The following ENAH variants were observed in gnomAD, a reference collection of about 807,000 sequenced individuals.
ENAH encodes the protein protein enabled homolog.
In ENAH, 23 loss-of-function variants were observed where a neutral mutation model predicts 78.7. The observed-to-expected ratio is 0.29, with a 90% CI of 0.21 to 0.41. ENAH has a LOEUF of 0.41. Ranked by LOEUF, ENAH falls within the 10% of genes least tolerant of loss-of-function variation. The probability of loss-of-function intolerance (pLI) is 1.00; values close to 1 mark genes in which losing one functional copy is unlikely to be tolerated. For missense variants in ENAH, 544 were observed against 691.0 expected (o/e 0.79, Z 2.39); for synonymous variants, 226 against 241.0 (o/e 0.94, Z 0.58).
intron 1 of ENAH, among the ~76,000 whole-genome samples, chr1:225,612,517 G>A (rs1352358426): frequency 6.6e-6 from 1 of 152,162 alleles, no homozygotes; most frequent in Admixed American, 6.5e-5. Flanking sequence ...GGCAATGGTT[G>A]CACAACACTG....
intron 1 of ENAH, among the ~76,000 whole-genome samples, chr1:225,646,229 T>C (rs1407709748): frequency 6.6e-6 from 1 of 152,080 alleles, no homozygotes; most frequent in East Asian, 1.9e-4. Context: ...AAAATTTATA[T>C]GTTAATACCC....
chr1:225,514,890 C>T lies in ENAH; in HGVS notation c.924G>A (p.Leu308=). 1 of 1,610,690 alleles carries T rather than the reference C, an allele frequency of 6.2e-7. No homozygotes were observed. The highest frequency in any genetic ancestry group is 1.1e-5 in the South Asian group (1 of 90,648). The change falls in exon 7 of 14, where the codon TTG becomes TTA. Residue 308 remains leucine (L), a synonymous_variant. Coordinates refer to ENST00000366843, the MANE Select transcript of ENAH (RefSeq NM_018212.6). ...GAGGAGGTGGAGGTGCAAGTGGTCC[C>T]AAGACAATGCCTGAGAGAGAGAAAT... The part of the protein sequence containing the change: ...AETPSQQGIV[L]GPLAPPPPPP...
At chr1:225,509,331 A>AG (rs1039231441) in intron 10 of ENAH, among the ~76,000 whole-genome samples, 2 of 152,292 alleles carry the variant, frequency 1.3e-5, no homozygotes, top group Admixed American at 6.5e-5. Flanking sequence ...TGGAAGGATG[A>AG]GGGAGTAATT....
At chr1:225,615,190 G>A (rs1401668105) in intron 1 of ENAH, among the ~76,000 whole-genome samples, 6 of 152,168 alleles carry the variant, frequency 3.9e-5, no homozygotes, top group Non-Finnish European at 8.8e-5. Context: ...TTGCAGGCGC[G>A]CGCCGCCACG....
At chr1:225,632,058 G>C (rs76003904) in intron 1 of ENAH, among the ~76,000 whole-genome samples, 1 of 152,094 alleles carries the variant, frequency 6.6e-6, no homozygotes, top group Non-Finnish European at 1.5e-5. Flanking sequence ...ACTTCACCTA[G>C]AGAACAAAAA....
chr1:225,604,570 G>C (rs1211043672), intron 1 of ENAH, among the ~76,000 whole-genome samples: 1 of 151,036 alleles, frequency 6.6e-6, no homozygotes, highest in Non-Finnish European at 1.5e-5. Context: ...GATCACTTGA[G>C]GTCAGGAGTT....
rs1575329752 is a variant in ENAH at position 225,507,975 on chromosome 1, C to T, written c.1514G>A (p.Gly505Asp). The change falls in exon 11 of 14, where the codon GGC becomes GAC. Residue 505 changes from glycine (G) to aspartate (D), a missense_variant. Gly to Asp is a moderately conservative substitution (Grantham distance 94). Transcript: ENST00000366843. ...KPWERTNTMNGSKSPVISRPK... is the reference protein window; with the variant it reads ...KPWERTNTMNDSKSPVISRPK... ...CCTGGAGATAACAGGTGACTTGCTG[C>T]CATTCATTGTATTTGTTCTTTCCCA... 6.4e-7 allele frequency: 1 copy of T among 1,558,800 alleles called. No individual in the cohort carries two copies. Among genetic ancestry groups the T allele is most frequent in the South Asian group, 1.3e-5 (1 of 79,128 alleles).
intron 1 of ENAH, among the ~76,000 whole-genome samples, chr1:225,574,282 A>T (rs902034860): frequency 6.6e-6 from 1 of 152,144 alleles, no homozygotes; most frequent in Non-Finnish European, 1.5e-5. Context: ...GCATATAGTA[A>T]AAGTGGGCGA....
At chr1:225,587,301 A>G (rs1043301024) in intron 1 of ENAH, among the ~76,000 whole-genome samples, 7 of 152,214 alleles carry the variant, frequency 4.6e-5, no homozygotes, top group African/African-American at 1.7e-4. Flanking sequence ...TCTACAAAGC[A>G]GCAAATTAGT....
At chr1:225,625,514 G>A (rs376696530) in intron 1 of ENAH, among the ~76,000 whole-genome samples, 3 of 151,986 alleles carry the variant, frequency 2.0e-5, no homozygotes, top group Non-Finnish European at 2.9e-5. Context: ...CAGTCAACAC[G>A]TTTCCTGTAT....
At chr1:225,540,046 T>C (rs188561334) in intron 3 of ENAH, among the ~76,000 whole-genome samples, 6 of 152,324 alleles carry the variant, frequency 3.9e-5, no homozygotes, top group Admixed American at 3.9e-4. Context: ...TCAGATTTCC[T>C]AGGAAATATG....
intron 1 of ENAH, among the ~76,000 whole-genome samples, chr1:225,610,275 T>C (rs1462081266): frequency 6.6e-6 from 1 of 152,100 alleles, no homozygotes; most frequent in Non-Finnish European, 1.5e-5. Context: ...AAATGTTTTA[T>C]AATATGTACG....
chr1:225,597,936 C>CTG (rs530917672), intron 1 of ENAH, among the ~76,000 whole-genome samples: 3 of 145,018 alleles, frequency 2.1e-5, no homozygotes, highest in South Asian at 2.2e-4. Context: ...CTCCACTTAA[C>CTG]TTTTTTTTTT....
At chr1:225,546,485 C>T (rs1449946412) in intron 3 of ENAH, among the ~76,000 whole-genome samples, 1 of 152,156 alleles carries the variant, frequency 6.6e-6, no homozygotes, top group Non-Finnish European at 1.5e-5. Flanking sequence ...AGAAGAGAAG[C>T]ATCCTTCCAA....
Position 225,519,373 on chromosome 1 carries a change from GCGTTCCTGCCGCTC to G in ENAH, c.613_626del (p.Glu205ProfsTer65). Reference sequence around the variant, plus strand: ...GCTCCAGGCGTTCCTGCCGCTCCAGGCGTTCCTGCCGCTCCAGGCGTTCCTGCCGTTCCCGTTCT... The same window carrying G: ...GCTCCAGGCGTTCCTGCCGCTCCAGGCAGGCGTTCCTGCCGTTCCCGTTCT... On this transcript the variant is annotated frameshift_variant, in exon 5 of 14. Coordinates refer to ENST00000366843, the MANE Select transcript of ENAH (RefSeq NM_018212.6). LOFTEE classifies it high-confidence loss of function. 1 of 1,608,494 alleles carries G rather than the reference GCGTTCCTGCCGCTC, an allele frequency of 6.2e-7. No homozygotes were observed. The highest frequency in any genetic ancestry group is 1.1e-5 in the South Asian group (1 of 90,922).
chr1:225,554,317 T>A (rs2096655805), intron 3 of ENAH, among the ~76,000 whole-genome samples: 1 of 152,212 alleles, frequency 6.6e-6, no homozygotes, highest in Non-Finnish European at 1.5e-5. Flanking sequence ...GTACAGTTTT[T>A]AAAAATTGAG....
chr1:225,519,203 C>G lies in ENAH; in HGVS notation c.797G>C (p.Ser266Thr), dbSNP rs1297360931. ...LEWERERRISSAAAPASVETP... is the reference protein window; with the variant it reads ...LEWERERRISTAAAPASVETP... ...AGAGTTTGTAAACTTCTTACCAGCA[C>G]TTGATATTCTGCGCTCTCTCTCCCA... The change falls in exon 5 of 14, where the codon AGT becomes ACT. Residue 266 changes from serine to threonine, a missense_variant. Physicochemically the swap from Ser to Thr is moderately conservative, Grantham distance 58. Coordinates refer to ENST00000366843, the MANE Select transcript of ENAH (RefSeq NM_018212.6). 1.9e-6 allele frequency: 3 copies of G among 1,613,832 alleles called. No homozygotes were observed. The East Asian group carries it at 6.7e-5, about 36-fold the overall frequency.
intron 2 of ENAH, among the ~76,000 whole-genome samples, chr1:225,562,660 AT>A (rs770405608): frequency 4.1e-5 from 6 of 147,168 alleles, no homozygotes; most frequent in Non-Finnish European, 9.0e-5. Flanking sequence ...AAAATGAAGT[AT>A]TTTTTTATAT....
In ENAH at chr1:225,526,338, CT is replaced by C. The variant is rs34197889; in HGVS notation, c.434+4215del. On this transcript the variant is annotated intron_variant, in intron 4 of 13. Transcript: ENST00000366843. Reference sequence around the variant, plus strand: ...TCTATTTCTTTCTTTCTCTCTCTCTCTTTTTTTTTTTTTTCTTTTGAGACAG... The same window carrying C: ...TCTATTTCTTTCTTTCTCTCTCTCTCTTTTTTTTTTTTTCTTTTGAGACAG... 7.9e-3 allele frequency among the ~76,000 whole-genome samples: 1,136 copies of C among 143,692 alleles called. 4 individuals carry two copies. The highest frequency in any genetic ancestry group is 0.053 in the Middle Eastern group (15 of 282). 94.3% of individuals were successfully genotyped at this position (143,692 alleles called of 152,430 possible).
Sources: gnomAD v4.1 joint callset for allele counts (sites outside exome capture counted in the v4.1 genomes callset) on GRCh38, gnomAD v4.1.1 for gene constraint, MANE v1.5 for transcripts, NCBI Gene and HGNC (gene_info 2026-07-23, HGNC 2026-07-21) for gene names.